PRUNE2: variants seen among roughly 807,000 people sequenced by gnomAD.
The protein encoded by PRUNE2 is protein prune homolog 2.
In PRUNE2, 164 loss-of-function variants were observed where a neutral mutation model predicts 252.0. The observed-to-expected ratio is 0.65, with a 90% CI of 0.57 to 0.74. PRUNE2 has a LOEUF of 0.74. PRUNE2 is among the 30% of genes least tolerant of loss of function. PRUNE2 has a pLI of 0.00. For missense variants in PRUNE2, 3,495 were observed against 3,711.0 expected, an observed-to-expected ratio of 0.94 and a Z score of 1.51; for synonymous variants, 1,292 against 1,350.2, an observed-to-expected ratio of 0.96 and a Z score of 0.94.
chr9:76,814,804 A>T (rs1252763764), intron 6 of PRUNE2, among the ~76,000 whole-genome samples: 1 of 152,196 alleles, frequency 6.6e-6, no homozygotes, highest in African/African-American at 2.4e-5. Context: ...AATCTGCATC[A>T]CCTAACACTT....
At chr9:76,802,220 T>C (rs1003701368) in intron 6 of PRUNE2, among the ~76,000 whole-genome samples, 2 of 152,164 alleles carry the variant, frequency 1.3e-5, no homozygotes, top group African/African-American at 4.8e-5. Context: ...TAACACACCA[T>C]GTGGCAGAAA....
Position 76,619,327 on chromosome 9 carries a change from G to A in PRUNE2, c.9236+13C>T, listed in dbSNP as rs1831099871. 1.3e-6 allele frequency: 2 copies of A among 1,569,638 alleles called. No homozygotes were observed. The highest frequency in any genetic ancestry group is 2.3e-5 in the South Asian group (2 of 88,258). On this transcript the variant is annotated intron_variant, in intron 18 of 18. Transcript: ENST00000376718. Reference sequence around the variant, plus strand: ...AAGTAACCACATAGCTGTTATTGATGGTGAATTCTTACTCCTTCTCCATAG... The same window carrying A: ...AAGTAACCACATAGCTGTTATTGATAGTGAATTCTTACTCCTTCTCCATAG...
intron 6 of PRUNE2, among the ~76,000 whole-genome samples, chr9:76,816,693 T>C (rs1030399388): frequency 3.9e-5 from 6 of 152,234 alleles, no homozygotes; most frequent in Non-Finnish European, 7.3e-5. Flanking sequence ...GGAGTTACTA[T>C]AGTGCTCAAA....
At chr9:76,880,798 T>C (rs535099300) in intron 1 of PRUNE2, among the ~76,000 whole-genome samples, 4 of 152,328 alleles carry the variant, frequency 2.6e-5, no homozygotes, top group East Asian at 1.9e-4. Flanking sequence ...TTGGAAAATA[T>C]AGTTATTTTA....
chr9:76,877,934 G>T (rs1474409249), intron 1 of PRUNE2, among the ~76,000 whole-genome samples: 1 of 152,198 alleles, frequency 6.6e-6, no homozygotes, highest in Non-Finnish European at 1.5e-5. Flanking sequence ...CGGTAGAGAT[G>T]CGGAATCTGG....
At position 76,902,913 on chromosome 9, in the gene PRUNE2, G is replaced by A. The variant is rs114838266; in HGVS notation, c.36+3015C>T. ...AGAAAGGGAGATTTAGGGAAAAGGA[G>A]GATGGGATTATGTCAGTGAATCTGC... On this transcript the variant is annotated intron_variant, in intron 1 of 18. Coordinates refer to ENST00000376718, the MANE Select transcript of PRUNE2 (RefSeq NM_015225.3). Among the ~76,000 whole-genome samples, 942 of 152,332 alleles carry A rather than the reference G, an allele frequency of 6.2e-3. 10 individuals carry two copies. Among genetic ancestry groups the A allele is most frequent in the African/African-American group, 0.021 (890 of 41,564 alleles).
chr9:76,791,784 T>TA (rs2055572653), intron 6 of PRUNE2, among the ~76,000 whole-genome samples: 1 of 152,020 alleles, frequency 6.6e-6, no homozygotes, highest in Admixed American at 6.5e-5. Context: ...GAAGAATAGA[T>TA]AAAGAGCCAG....
chr9:76,742,486 C>T (rs1190286993), intron 6 of PRUNE2, among the ~76,000 whole-genome samples: 2 of 151,954 alleles, frequency 1.3e-5, no homozygotes, highest in Non-Finnish European at 2.9e-5. Context: ...GGTGTGGTGG[C>T]ATGTGCCTGT....
At chr9:76,872,452 G>A (rs2061261932) in intron 1 of PRUNE2, among the ~76,000 whole-genome samples, 1 of 152,054 alleles carries the variant, frequency 6.6e-6, no homozygotes, top group Non-Finnish European at 1.5e-5. Context: ...CTAAGTGTTG[G>A]GAAGGCTTCA....
At chr9:76,666,604 C>A (rs1212844452) in intron 9 of PRUNE2, among the ~76,000 whole-genome samples, 1 of 152,162 alleles carries the variant, frequency 6.6e-6, no homozygotes, top group Non-Finnish European at 1.5e-5. Context: ...ACTCATGTGA[C>A]CTTGTCAATC....
intron 1 of PRUNE2, among the ~76,000 whole-genome samples, chr9:76,887,126 G>A (rs575133669): frequency 8.5e-5 from 13 of 152,124 alleles, no homozygotes; most frequent in East Asian, 5.8e-4. Flanking sequence ...GATCTTCCAG[G>A]CAGTCATATT....
rs2057412138 is a variant in PRUNE2 at position 76,812,389 on chromosome 9, TG to T, written c.756+11242del. Among the ~76,000 whole-genome samples, 4 of 152,242 alleles carry T rather than the reference TG, an allele frequency of 2.6e-5. No individual in the cohort carries two copies. In the South Asian group the frequency reaches 8.3e-4, roughly 32 times the overall value. Reference sequence around the variant, plus strand: ...TACTTTCTCTTAATCTGAATTAAAATGGTTAACTATTGGAATACAATACCAT... The same window carrying T: ...TACTTTCTCTTAATCTGAATTAAAATGTTAACTATTGGAATACAATACCAT... On this transcript the variant is annotated intron_variant, in intron 6 of 18. Transcript: ENST00000376718.
intron 14 of PRUNE2, among the ~76,000 whole-genome samples, chr9:76,636,897 C>T (rs1587961159): frequency 6.6e-6 from 1 of 151,710 alleles, no homozygotes; most frequent in Non-Finnish European, 1.5e-5. Flanking sequence ...CGGAGGTTGC[C>T]GTGATCCAAG....
intron 1 of PRUNE2, among the ~76,000 whole-genome samples, chr9:76,891,139 A>G (rs576609696): frequency 8.5e-5 from 13 of 152,320 alleles, no homozygotes; most frequent in African/African-American, 3.1e-4. Context: ...CTAAACGAAA[A>G]TTACTCCCCA....
intron 6 of PRUNE2, among the ~76,000 whole-genome samples, chr9:76,818,859 G>T (rs2057857102): frequency 6.6e-6 from 1 of 152,130 alleles, no homozygotes; most frequent in Non-Finnish European, 1.5e-5. Flanking sequence ...TACATTAGGG[G>T]TTGAATTTTG....
intron 1 of PRUNE2, among the ~76,000 whole-genome samples, chr9:76,872,738 C>A (rs1461988320): frequency 6.6e-6 from 1 of 151,240 alleles, no homozygotes; most frequent in Non-Finnish European, 1.5e-5. Context: ...TTAAAATATC[C>A]CAGGAAACAA....
rs1201137894 is a variant in PRUNE2 at position 76,850,528 on chromosome 9, G to A, written c.279C>T (p.Asn93=). ...TCCCTTCATCATTTAGCTGATGCAG[G>A]TTAATTTCATCCCGGAATATGTGGA... ...ESFHIFRDEI[N]LHQLNDEGKL... Residue 93 remains asparagine (N), a synonymous_variant, in exon 3 of 19, where the codon AAC becomes AAT. Coordinates refer to ENST00000376718, the MANE Select transcript of PRUNE2 (RefSeq NM_015225.3). The A allele has an allele frequency of 6.2e-7, 1 of 1,613,774 alleles. No homozygotes were observed. The highest frequency in any genetic ancestry group is 1.3e-5 in the African/African-American group (1 of 74,864).
In PRUNE2 at chr9:76,652,533, T is replaced by A; in HGVS notation, c.8507A>T (p.Asp2836Val). 6.2e-7 allele frequency: 1 copy of A among 1,613,450 alleles called. No individual in the cohort carries two copies. Among genetic ancestry groups the A allele is most frequent in the Non-Finnish European group, 8.5e-7 (1 of 1,179,484 alleles). ...DSPDEIDINV[D>V]ELDTPDEADS... ...TGCTTCATCGGGGGTATCAAGTTCATCCACATTGATGTCAATTTCATCTGG... is the reference window on the plus strand; with the variant it reads ...TGCTTCATCGGGGGTATCAAGTTCAACCACATTGATGTCAATTTCATCTGG... The change falls in exon 11 of 19, where the codon GAT becomes GTT. Residue 2836 changes from aspartate to valine, a missense_variant. Physicochemically the swap from Asp to Val is radical, Grantham distance 152 (BLOSUM62 -3). Coordinates refer to ENST00000376718, the MANE Select transcript of PRUNE2 (RefSeq NM_015225.3).
intron 6 of PRUNE2, among the ~76,000 whole-genome samples, chr9:76,809,163 C>T (rs1223462833): frequency 6.6e-6 from 1 of 152,130 alleles, no homozygotes; most frequent in Non-Finnish European, 1.5e-5. Context: ...TCTGATCTAC[C>T]TCCCCTTCCC....
Sources: gnomAD v4.1 joint callset for allele counts (sites outside exome capture counted in the v4.1 genomes callset) on GRCh38, gnomAD v4.1.1 for gene constraint, MANE v1.5 for transcripts, NCBI Gene and HGNC (gene_info 2026-07-23, HGNC 2026-07-21) for gene names.